Variants in PCNX2 observed in about 807,000 individuals in gnomAD.
PCNX2 encodes the protein pecanex-like protein 2.
In PCNX2, 168 loss-of-function variants were observed where a neutral mutation model predicts 223.8. The ratio of observed to expected loss-of-function variants is 0.75; its 90% CI spans 0.66 to 0.85. The LOEUF (loss-of-function observed/expected upper bound fraction) is 0.85. Among genes scored for constraint, PCNX2 ranks in the 40% least tolerant of loss-of-function variants. PCNX2 has a pLI of 0.00. For synonymous variants in PCNX2, 1,006 were observed against 1,052.6 expected (o/e 0.96, Z 0.86); for missense variants, 2,507 against 2,675.5 (o/e 0.94, Z 1.39).
intron 12 of PCNX2, 149 bp from the exon 13 acceptor site, chr1:233,208,838 A>AAAAAAAAAAAAAAC: frequency 1.8e-6 from 1 of 556,664 alleles, no homozygotes; most frequent in Non-Finnish European, 2.7e-6. Flanking sequence ...AAAAAAAAAA[A>AAAAAAAAAAAAAAC]AAAAAAAAAA....
At chr1:233,276,202 G>A (rs1280483937) in intron 1 of PCNX2, among the ~76,000 whole-genome samples, 3 of 152,160 alleles carry the variant, frequency 2.0e-5, no homozygotes, top group Admixed American at 6.5e-5. Flanking sequence ...GTTATATTAA[G>A]TCAAATAAGG....
intron 13 of PCNX2, among the ~76,000 whole-genome samples, chr1:233,204,407 T>C (rs1302658580): frequency 6.6e-6 from 1 of 152,218 alleles, no homozygotes; most frequent in African/African-American, 2.4e-5. Context: ...ACAGCGGCTC[T>C]AGGAAGTATT....
chr1:233,184,595 A>T (rs1679986541), intron 15 of PCNX2, among the ~76,000 whole-genome samples: 1 of 152,106 alleles, frequency 6.6e-6, no homozygotes, highest in Admixed American at 6.5e-5. Flanking sequence ...TCGATATTTA[A>T]TCAAACATTT....
chr1:233,281,772 C>T (rs997560063), intron 1 of PCNX2, among the ~76,000 whole-genome samples: 3 of 152,156 alleles, frequency 2.0e-5, no homozygotes, highest in African/African-American at 2.4e-5. Flanking sequence ...GGTGAGTCTA[C>T]TGAAATGGGT....
At chr1:233,093,008 C>T (rs561576975) in intron 22 of PCNX2, among the ~76,000 whole-genome samples, 132 of 152,230 alleles carry the variant, frequency 8.7e-4, no homozygotes, top group Middle Eastern at 3.4e-3. Flanking sequence ...ACCGTGTTAG[C>T]CAGGATGGTC....
rs573913784 is a variant in PCNX2, at chr1:233,107,041, A to T, written c.3838-11178T>A. On this transcript the variant is annotated intron_variant, in intron 21 of 33. Coordinates refer to ENST00000258229, the MANE Select transcript of PCNX2 (RefSeq NM_014801.4). ...AAAATATAATAATACGAGTTAACTT[A>T]AAAAAAAAGTACAGAGTTACACAAA... Among the ~76,000 whole-genome samples, 16 of 144,972 alleles carry T rather than the reference A, an allele frequency of 1.1e-4. No individual in the cohort carries two copies. In the South Asian group the frequency reaches 2.5e-3, roughly 22 times the overall value.
intron 28 of PCNX2, among the ~76,000 whole-genome samples, chr1:233,007,589 G>C (rs1034519946): frequency 6.6e-6 from 1 of 152,160 alleles, no homozygotes; most frequent in Non-Finnish European, 1.5e-5. Flanking sequence ...CCAGGCTGGA[G>C]TGCCGTGGCG....
intron 23 of PCNX2, among the ~76,000 whole-genome samples, chr1:233,061,136 G>A (rs1395455297): frequency 6.6e-6 from 1 of 152,242 alleles, no homozygotes; most frequent in African/African-American, 2.4e-5. Context: ...TGGCCGGAGT[G>A]AGAAGTTTGG....
chr1:233,113,338 T>C (rs1470691695), intron 21 of PCNX2, among the ~76,000 whole-genome samples: 2 of 152,082 alleles, frequency 1.3e-5, no homozygotes, highest in Non-Finnish European at 2.9e-5. Flanking sequence ...AATCAAAACA[T>C]ACACCTTGAG....
rs575248732 is a variant in PCNX2 at position 233,133,165 on chromosome 1, C to T, written c.3837+1848G>A. On this transcript the variant is annotated intron_variant, in intron 21 of 33. Transcript: ENST00000258229. ...CTGCCCATCTCAGCCTCCCAAAGTG[C>T]TAGGATTACAGGCGTGAGCCACTGT... Among the ~76,000 whole-genome samples the T allele has an allele frequency of 5.3e-5, 8 of 152,220 alleles. No individual in the cohort carries two copies. The South Asian group carries it at 1.7e-3, about 32-fold the overall frequency.
At chr1:233,255,389 T>G (rs1489331756) in intron 5 of PCNX2, among the ~76,000 whole-genome samples, 1 of 152,180 alleles carries the variant, frequency 6.6e-6, no homozygotes, top group African/African-American at 2.4e-5. Flanking sequence ...TTTTTTCCAC[T>G]ATAAAGCTTT....
intron 17 of PCNX2, among the ~76,000 whole-genome samples, chr1:233,163,115 C>T (rs930032930): frequency 3.3e-5 from 5 of 149,298 alleles, no homozygotes; most frequent in African/African-American, 9.9e-5. Context: ...GTTCTCTCCA[C>T]CCATTTCTTT....
chr1:233,137,928 C>T (rs769764578), intron 20 of PCNX2, among the ~76,000 whole-genome samples: 2 of 152,180 alleles, frequency 1.3e-5, no homozygotes, highest in Non-Finnish European at 2.9e-5. Context: ...TTGAAAAGTT[C>T]ACTCTGTGAC....
the PCNX2 span, among the ~76,000 whole-genome samples, chr1:233,309,857 G>A: frequency 4.0e-5 from 6 of 151,726 alleles, no homozygotes; most frequent in South Asian, 8.3e-4. Flanking sequence ...CAGCCTAGGC[G>A]ACAGAGTGAG....
chr1:233,028,808 C>T (rs1024296744), intron 25 of PCNX2, among the ~76,000 whole-genome samples: 4 of 150,170 alleles, frequency 2.7e-5, no homozygotes, highest in Middle Eastern at 6.4e-3. Context: ...TTTTATTTAT[C>T]CAACTTTTTA....
chr1:233,083,820 C>T (rs1012903792), intron 23 of PCNX2, among the ~76,000 whole-genome samples: 4 of 152,132 alleles, frequency 2.6e-5, no homozygotes, highest in African/African-American at 7.2e-5. Context: ...TCACAGCAGG[C>T]TGGCTATGGA....
Position 233,252,293 on chromosome 1 carries a change from G to A in PCNX2, c.2128+61C>T, listed in dbSNP as rs967226410. Reference sequence around the variant, plus strand: ...TACTCATGCTAAGGTATCACACTGAGTCCTGAGAAAGCTGACAGTTTTCCC... The same window carrying A: ...TACTCATGCTAAGGTATCACACTGAATCCTGAGAAAGCTGACAGTTTTCCC... On this transcript the variant is annotated intron_variant, in intron 7 of 33. Transcript: ENST00000258229. 9.1e-5 allele frequency: 140 copies of A among 1,536,962 alleles called. 3 individuals are homozygous for A. In the South Asian group the frequency reaches 1.7e-3, roughly 18 times the overall value.
chr1:233,238,457 G>C (rs1177128500), intron 8 of PCNX2, among the ~76,000 whole-genome samples: 1 of 152,098 alleles, frequency 6.6e-6, no homozygotes, highest in African/African-American at 2.4e-5. Context: ...TTGAGAGGGG[G>C]AGGCAGGAGG....
In PCNX2 at chr1:233,000,350, C is replaced by G. The variant is rs756413233; in HGVS notation, c.5283G>C (p.Lys1761Asn). The G allele has an allele frequency of 7.4e-6, 12 of 1,613,806 alleles. No homozygotes were observed. The highest frequency in any genetic ancestry group is 9.3e-6 in the Non-Finnish European group (11 of 1,179,862). ...HVVDEGADEY[K>N]VIMLHRSFLS... ...GGAAGCTTCTGTGGAGCATGATGAC[C>G]TTGTACTCGTCGGCACCCTCGTCCA... Residue 1761 changes from lysine (K) to asparagine (N), a missense_variant, in exon 30 of 34, where the codon AAG becomes AAC. By Grantham distance (94) the Lys-to-Asn change is moderately conservative. Around this residue, in one of 3 missense-constraint regions of PCNX2, gnomAD observed 1,372 missense variants for 1,509.4 expected, o/e 0.91. Transcript: ENST00000258229. The surrounding 1 kb of genome is among the most constrained non-coding windows in gnomAD (Gnocchi z 4.6).
Sources: gnomAD v4.1 joint callset for allele counts (sites outside exome capture counted in the v4.1 genomes callset) on GRCh38, gnomAD v4.1.1 for gene constraint, gnomAD v4.1.1 regional missense constraint, Gnocchi (gnomAD v3.1) non-coding constraint, MANE v1.5 for transcripts, NCBI Gene and HGNC (gene_info 2026-07-23, HGNC 2026-07-21) for gene names.